WDR25: variants seen among roughly 807,000 people sequenced by gnomAD.
WDR25 encodes the protein WD repeat-containing protein 25.
In WDR25, 35 loss-of-function variants were observed where a neutral mutation model predicts 47.7. The ratio of observed to expected loss-of-function variants is 0.73; its 90% confidence interval spans 0.56 to 0.97. The LOEUF (loss-of-function observed/expected upper bound fraction) is 0.97. Ranked by LOEUF, WDR25 falls within the 50% of genes least tolerant of loss-of-function variation. The pLI is 0.00. For missense variants in WDR25, 634 were observed against 704.7 expected (o/e 0.90, Z 1.14); for synonymous variants, 248 against 278.9 (o/e 0.89, Z 1.10).
intron 4 of WDR25, among the ~76,000 whole-genome samples, chr14:100,501,630 T>A (rs968821739): frequency 2.0e-5 from 3 of 152,114 alleles, no homozygotes; most frequent in Admixed American, 1.3e-4. Context: ...ACTCAGGATG[T>A]GGGGGAAAGA....
At chr14:100,391,425 T>C (rs578134016) in intron 2 of WDR25, among the ~76,000 whole-genome samples, 1 of 152,344 alleles carries the variant, frequency 6.6e-6, no homozygotes, top group South Asian at 2.1e-4. Flanking sequence ...ACACTGACGC[T>C]GGCTATTCAT....
intron 2 of WDR25, among the ~76,000 whole-genome samples, chr14:100,445,382 T>G (rs921434433): frequency 6.6e-6 from 1 of 152,208 alleles, no homozygotes; most frequent in African/African-American, 2.4e-5. Flanking sequence ...GTAATAAAAT[T>G]TTGCCTCAGA....
intron 5 of WDR25, among the ~76,000 whole-genome samples, chr14:100,527,941 G>T (rs1436913333): frequency 6.6e-6 from 1 of 152,186 alleles, no homozygotes; most frequent in Non-Finnish European, 1.5e-5. Context: ...TTTTAGGGGT[G>T]CTTCCTGTCA....
At chr14:100,476,403 G>A (rs779561249) in intron 3 of WDR25, 2 of 152,170 alleles carry the variant, frequency 1.3e-5, no homozygotes, top group Non-Finnish European at 2.9e-5. Flanking sequence ...TGAGTGTAAC[G>A]ATATTGATTT....
intron 2 of WDR25, chr14:100,454,472 G>T: frequency 7.8e-7 from 1 of 1,282,624 alleles, no homozygotes; most frequent in South Asian, 1.2e-5. Context: ...TGAAGCAGTA[G>T]TTCTGGCAGA....
intron 2 of WDR25, chr14:100,406,873 A>C (rs984631593): frequency 5.2e-5 from 8 of 152,468 alleles, no homozygotes; most frequent in Admixed American, 3.9e-4. Flanking sequence ...GGCAGATGTG[A>C]AATGTGGTTT....
At position 100,425,165 on chromosome 14, in the gene WDR25, C is replaced by T. The variant is rs1898132210; in HGVS notation, c.823-42856C>T. On this transcript the variant is annotated intron_variant, in intron 2 of 6. Transcript: ENST00000402312. This position sits in a 1 kb window ranked among gnomAD's most constrained non-coding sequence, Gnocchi z 4.8. The stretch of plus-strand genomic sequence containing the variant: ...GTGTGTCCCTTGCTGGCCCCATGGC[C>T]TGCAGGGCTCAGGATCAAGTTCCTC... Among the ~76,000 whole-genome samples the T allele has an allele frequency of 6.6e-6, 1 of 152,240 alleles. No individual in the cohort carries two copies. Among genetic ancestry groups the T allele is most frequent in the Non-Finnish European group, 1.5e-5 (1 of 68,040 alleles).
intron 2 of WDR25, among the ~76,000 whole-genome samples, chr14:100,444,306 C>T (rs1442803728): frequency 6.6e-6 from 1 of 152,166 alleles, no homozygotes. Flanking sequence ...TTTGTCCTCC[C>T]GGGAGCCCTG....
intron 3 of WDR25, among the ~76,000 whole-genome samples, chr14:100,478,655 A>C (rs950656482): frequency 6.6e-6 from 1 of 152,234 alleles, no homozygotes; most frequent in Non-Finnish European, 1.5e-5. Context: ...CTTATCTTCT[A>C]AATGGAAATA....
At chr14:100,386,882 G>C (rs897294370) in intron 2 of WDR25, among the ~76,000 whole-genome samples, 6 of 151,872 alleles carry the variant, frequency 4.0e-5, no homozygotes, top group Admixed American at 2.0e-4. Flanking sequence ...GAAAGAGCGA[G>C]ACTCCATCTC....
intron 2 of WDR25, among the ~76,000 whole-genome samples, chr14:100,418,131 G>T (rs1413204853): frequency 6.6e-6 from 1 of 151,358 alleles, no homozygotes; most frequent in Non-Finnish European, 1.5e-5. Context: ...TAGTAGAGAT[G>T]TGGTTTCACC....
Position 100,392,355 on chromosome 14 carries a change from G to A in WDR25, c.822+10609G>A, listed in dbSNP as rs1172624310. Among the ~76,000 whole-genome samples the A allele has an allele frequency of 6.6e-6, 1 of 151,540 alleles. No individual in the cohort carries two copies. Among genetic ancestry groups the A allele is most frequent in the African/African-American group, 2.4e-5 (1 of 41,212 alleles). On this transcript the variant is annotated intron_variant, in intron 2 of 6. Transcript: ENST00000402312. The surrounding 1 kb of genome is among the most constrained non-coding windows in gnomAD (Gnocchi z 4.2). ...AGTGAGTGGGTTCTTTTCCAGCCAC[G>A]TCTCTGTCTTCTTCTGCTTGGTTAG... is the stretch of plus-strand genomic sequence containing the variant.
chr14:100,378,675 C>CAGAGAGAAAAG (rs377690013), intron 1 of WDR25, among the ~76,000 whole-genome samples: 1 of 86,768 alleles, frequency 1.2e-5, no homozygotes. Flanking sequence ...ATGTTCCAGG[C>CAGAGAGAAAAG]AGGCCGGGCG....
At chr14:100,472,683 C>T (rs751082588) in intron 3 of WDR25, among the ~76,000 whole-genome samples, 5 of 152,380 alleles carry the variant, frequency 3.3e-5, no homozygotes, top group Admixed American at 1.3e-4. Context: ...TGGTCCCCTG[C>T]GTGGGTCTTG....
At chr14:100,384,558 G>A (rs1014000012) in intron 2 of WDR25, among the ~76,000 whole-genome samples, 1 of 152,208 alleles carries the variant, frequency 6.6e-6, no homozygotes, top group African/African-American at 2.4e-5. Flanking sequence ...CAGAGGTGGG[G>A]CAGCATGGCA....
chr14:100,376,793 A>C (rs1293627556), intron 1 of WDR25: 10 of 1,193,214 alleles, frequency 8.4e-6, no homozygotes, highest in Non-Finnish European at 1.0e-5. Flanking sequence ...CAGACCCAGC[A>C]TAGGGCTTGA....
At chr14:100,472,744 C>T (rs1595124541) in intron 3 of WDR25, among the ~76,000 whole-genome samples, 1 of 152,258 alleles carries the variant, frequency 6.6e-6, no homozygotes, top group Non-Finnish European at 1.5e-5. Context: ...CCCAGCATCT[C>T]CTCCACATTC....
Position 100,525,270 on chromosome 14 carries a change from G to T in WDR25, c.1102-600G>T, listed in dbSNP as rs2030063176. Among the ~76,000 whole-genome samples, 1 of 152,206 alleles carries T rather than the reference G, an allele frequency of 6.6e-6. No individual in the cohort carries two copies. Among genetic ancestry groups the T allele is most frequent in the Non-Finnish European group, 1.5e-5 (1 of 68,042 alleles). ...GAATGTGATAAAATCCTCTAAGAAA[G>T]CAAAACAACTGCTCAATACTTAATA... On this transcript the variant is annotated intron_variant, in intron 4 of 6. Transcript: ENST00000402312. The surrounding 1 kb of genome is among the most constrained non-coding windows in gnomAD (Gnocchi z 4.6).
chr14:100,487,643 A>G (rs1391176446), intron 4 of WDR25: 1 of 152,236 alleles, frequency 6.6e-6, no homozygotes, highest in Non-Finnish European at 1.5e-5. Flanking sequence ...TGTTCCTTGC[A>G]GAAACCAGGT....
Sources: allele counts gnomAD v4.1 joint callset (sites outside exome capture counted in the v4.1 genomes callset), GRCh38; gene constraint gnomAD v4.1.1; non-coding constraint Gnocchi (gnomAD v3.1); transcripts MANE v1.5; gene names NCBI Gene and HGNC (gene_info 2026-07-23, HGNC 2026-07-21).